NCOA1: variants seen among roughly 807,000 people sequenced by gnomAD.
NCOA1 encodes nuclear receptor coactivator 1.
A neutral mutation model predicts 150.9 loss-of-function variants in NCOA1; 35 were observed. That is an observed-to-expected ratio of 0.23 (90% confidence interval 0.18 to 0.31). The LOEUF is 0.31. NCOA1 is among the 10% of genes least tolerant of loss of function. The pLI, the probability that NCOA1 is intolerant of heterozygous loss-of-function variation, is 1.00. For missense variants in NCOA1, 1,491 were observed against 1,749.3 expected, an observed-to-expected ratio of 0.85 and a Z score of 2.63; for synonymous variants, 590 against 630.0, an observed-to-expected ratio of 0.94 and a Z score of 0.95.
intron 3 of NCOA1, among the ~76,000 whole-genome samples, chr2:24,606,850 G>A (rs577557780): frequency 4.4e-4 from 67 of 152,128 alleles, no homozygotes; most frequent in African/African-American, 1.6e-3. Context: ...GCATAAATTC[G>A]ATATATTTTT....
At chr2:24,669,887 C>T (rs1671604996) in intron 6 of NCOA1, among the ~76,000 whole-genome samples, 1 of 152,182 alleles carries the variant, frequency 6.6e-6, no homozygotes, top group Non-Finnish European at 1.5e-5. Context: ...CCTGTAATCC[C>T]AGCACTTTGG....
intron 19 of NCOA1, among the ~76,000 whole-genome samples, chr2:24,749,924 C>G (rs1664132407): frequency 1.3e-5 from 2 of 151,966 alleles, no homozygotes; most frequent in Non-Finnish European, 2.9e-5. Context: ...TCTGTTTGTT[C>G]AAGAAGCAAG....
chr2:24,681,649 G>GA (rs950404295), intron 7 of NCOA1, among the ~76,000 whole-genome samples: 155 of 150,516 alleles, frequency 1.0e-3, no homozygotes, highest in East Asian at 3.5e-3. Flanking sequence ...AATCCTGAAG[G>GA]AAAAAAAATT....
At chr2:24,729,023 A>G (rs551683845) in intron 16 of NCOA1, among the ~76,000 whole-genome samples, 11 of 152,388 alleles carry the variant, frequency 7.2e-5, no homozygotes, top group African/African-American at 2.6e-4. Flanking sequence ...GTCACAATTT[A>G]TATTTCTTAC....
At chr2:24,559,303 C>T (rs1303530150) in intron 1 of NCOA1, among the ~76,000 whole-genome samples, 1 of 152,150 alleles carries the variant, frequency 6.6e-6, no homozygotes, top group Admixed American at 6.5e-5. Flanking sequence ...ATTACCCTCT[C>T]AGTGCACCAC....
chr2:24,571,926 T>G (rs902282094), intron 2 of NCOA1, among the ~76,000 whole-genome samples: 1 of 152,172 alleles, frequency 6.6e-6, no homozygotes, highest in African/African-American at 2.4e-5. Context: ...TTTGATTACT[T>G]GATTTTATTG....
At chr2:24,573,298 T>C (rs1053233952) in intron 2 of NCOA1, among the ~76,000 whole-genome samples, 5 of 152,156 alleles carry the variant, frequency 3.3e-5, no homozygotes, top group Non-Finnish European at 5.9e-5. Flanking sequence ...TTTCAGATAC[T>C]GTCCCAATAA....
intron 4 of NCOA1, among the ~76,000 whole-genome samples, chr2:24,644,992 A>AC (rs755110189): frequency 1.3e-5 from 2 of 152,082 alleles, no homozygotes; most frequent in Non-Finnish European, 2.9e-5. Flanking sequence ...ATACCTGTCA[A>AC]CCTAGAGTGT....
intron 1 of NCOA1, among the ~76,000 whole-genome samples, chr2:24,539,394 G>A (rs146351960): frequency 2.2e-4 from 34 of 152,300 alleles, no homozygotes; most frequent in Admixed American, 2.0e-3. Flanking sequence ...TGTTGTGTAT[G>A]GCCTCCCATA....
intron 1 of NCOA1, among the ~76,000 whole-genome samples, chr2:24,557,844 C>T (rs1279604455): frequency 6.6e-6 from 1 of 151,328 alleles, no homozygotes; most frequent in African/African-American, 2.4e-5. Flanking sequence ...AATCTTTGTT[C>T]TTTGTGATAT....
At chr2:24,591,072 G>A (rs1219368330) in intron 3 of NCOA1, among the ~76,000 whole-genome samples, 1 of 152,080 alleles carries the variant, frequency 6.6e-6, no homozygotes, top group African/African-American at 2.4e-5. Context: ...TATATCATAT[G>A]ATCTATAAAA....
intron 3 of NCOA1, among the ~76,000 whole-genome samples, chr2:24,598,622 G>A (rs1207216912): frequency 3.3e-5 from 5 of 152,104 alleles, no homozygotes; most frequent in Non-Finnish European, 7.4e-5. Flanking sequence ...AGGAAGGACA[G>A]GGAGAAACTG....
intron 3 of NCOA1, among the ~76,000 whole-genome samples, chr2:24,641,174 A>T (rs993454262): frequency 1.3e-5 from 2 of 151,654 alleles, no homozygotes; most frequent in African/African-American, 4.8e-5. Flanking sequence ...TTATAAATTT[A>T]TTTGTAGTTA....
At chr2:24,752,249 T>G in intron 20 of NCOA1, 93 bp downstream of exon 20, 1 of 1,394,494 alleles carries the variant, frequency 7.2e-7, no homozygotes, top group Non-Finnish European at 9.7e-7. Context: ...TCAGGAACAT[T>G]ATGTAAAGTG....
Position 24,707,336 on chromosome 2 carries a change from A to G in NCOA1, c.1866A>G (p.Gly622=), listed in dbSNP as rs141650002. Reference sequence around the variant, plus strand: ...ATAACAATGACAGACTTTCAGATGGAGACAGTAAATACTCTCAAACCAGTC... The same window carrying G: ...ATAACAATGACAGACTTTCAGATGGGGACAGTAAATACTCTCAAACCAGTC... The part of the protein sequence containing the change: ...LLHNNDRLSD[G]DSKYSQTSHK... The change falls in exon 13 of 23, where the codon GGA becomes GGG. Residue 622 remains glycine (G), a synonymous_variant. Coordinates refer to ENST00000348332, the MANE Select transcript of NCOA1 (RefSeq NM_003743.5). The G allele has an allele frequency of 8.7e-6, 14 of 1,614,128 alleles. No homozygotes were observed. In the African/African-American group the frequency reaches 1.9e-4, roughly 22 times the overall value.
intron 1 of NCOA1, among the ~76,000 whole-genome samples, chr2:24,540,363 T>C (rs980861167): frequency 2.0e-5 from 3 of 152,106 alleles, no homozygotes; most frequent in Non-Finnish European, 2.9e-5. Context: ...ATTAGAGATC[T>C]GGGGAATGAA....
intron 7 of NCOA1, among the ~76,000 whole-genome samples, chr2:24,675,397 A>T (rs1461557597): frequency 6.6e-6 from 1 of 152,234 alleles, no homozygotes; most frequent in East Asian, 1.9e-4. Flanking sequence ...CCATCTGGGC[A>T]GTGCCCTGCT....
chr2:24,576,163 G>GTTTTTTTT lies in NCOA1; in HGVS notation c.-259-8307_-259-8306insTTTTTTTT, dbSNP rs1491073238. Among the ~76,000 whole-genome samples the GTTTTTTTT allele has an allele frequency of 2.6e-3, 241 of 92,580 alleles. 5 individuals carry two copies. The highest frequency in any genetic ancestry group is 5.9e-3 in the African/African-American group (127 of 21,592). The allele number at this position is 92,580 out of a possible 152,430, so 60.7% of individuals were successfully genotyped here. Reference sequence around the variant, plus strand: ...ATTTGGCCTTTGTTTTTTTTTTTTTGTTTTTTGTTTTTTTTTTTTTTTTTT... The same window carrying GTTTTTTTT: ...ATTTGGCCTTTGTTTTTTTTTTTTTGTTTTTTTTTTTTTTGTTTTTTTTTTTTTTTTTT... On this transcript the variant is annotated intron_variant, in intron 2 of 22. Coordinates refer to ENST00000348332, the MANE Select transcript of NCOA1 (RefSeq NM_003743.5).
At chr2:24,711,184 T>G in intron 14 of NCOA1, 73 bp downstream of exon 14, 2 of 1,397,602 alleles carry the variant, frequency 1.4e-6, no homozygotes, top group Non-Finnish European at 1.9e-6. Context: ...CTCTCACCAG[T>G]ATTACACAGA....
Sources: gnomAD v4.1 joint callset for allele counts (sites outside exome capture counted in the v4.1 genomes callset) on GRCh38, gnomAD v4.1.1 for gene constraint, MANE v1.5 for transcripts, NCBI Gene and HGNC (gene_info 2026-07-23, HGNC 2026-07-21) for gene names.